Variants in TMEM131 observed in about 807,000 individuals in gnomAD.
TMEM131 encodes 2610524E03Rik.
In TMEM131, 66 loss-of-function variants were observed where a neutral mutation model predicts 211.6. The observed-to-expected ratio is 0.31, with a 90% confidence interval of 0.26 to 0.38. TMEM131 has a LOEUF of 0.38. Ranked by LOEUF, TMEM131 falls within the 10% of genes least tolerant of loss-of-function variation. TMEM131 has a pLI of 1.00. For synonymous variants in TMEM131, 844 were observed against 841.3 expected (o/e 1.00, Z -0.06); for missense variants, 2,036 against 2,299.3 (o/e 0.89, Z 2.34).
chr2:97,825,472 C>G (rs1229148598), intron 11 of TMEM131, among the ~76,000 whole-genome samples: 1 of 152,126 alleles, frequency 6.6e-6, no homozygotes, highest in African/African-American at 2.4e-5. Context: ...TTGGCATCAC[C>G]AGCTTTTGTT....
At chr2:97,890,627 G>A (rs914086167) in intron 3 of TMEM131, among the ~76,000 whole-genome samples, 2 of 152,126 alleles carry the variant, frequency 1.3e-5, no homozygotes, top group Non-Finnish European at 2.9e-5. Context: ...TAATTTTCAC[G>A]TACTGATCTT....
intron 1 of TMEM131, among the ~76,000 whole-genome samples, chr2:97,940,722 T>C (rs558357551): frequency 2.6e-5 from 4 of 151,450 alleles, no homozygotes; most frequent in South Asian, 2.1e-4. Context: ...GGCAGGAGAA[T>C]TGCGTGAACC....
intron 6 of TMEM131, among the ~76,000 whole-genome samples, chr2:97,843,475 A>G (rs969104202): frequency 5.3e-5 from 8 of 152,138 alleles, no homozygotes; most frequent in African/African-American, 1.7e-4. Context: ...AGCTGAGACT[A>G]CAAGTGCTCA....
intron 3 of TMEM131, among the ~76,000 whole-genome samples, chr2:97,904,167 T>C (rs1384172242): frequency 6.6e-6 from 1 of 152,110 alleles, no homozygotes; most frequent in African/African-American, 2.4e-5. Flanking sequence ...ATGAGGCCTC[T>C]AGATTAAACA....
At position 97,949,974 on chromosome 2, in the gene TMEM131, C is replaced by G. The variant is rs910383215; in HGVS notation, c.188-22487G>C. Among the ~76,000 whole-genome samples the G allele has an allele frequency of 4.8e-4, 73 of 152,268 alleles. 2 individuals carry two copies. The highest frequency in any genetic ancestry group is 4.1e-3 in the Admixed American group (63 of 15,300). On this transcript the variant is annotated intron_variant, in intron 1 of 40. Coordinates refer to ENST00000186436, the MANE Select transcript of TMEM131 (RefSeq NM_015348.2). ...CTTACTCCAAAATTGCAACCATTTTCCTTGCCTTATTTCTTGTACCTGCAA... is the reference window on the plus strand; with the variant it reads ...CTTACTCCAAAATTGCAACCATTTTGCTTGCCTTATTTCTTGTACCTGCAA...
chr2:97,864,125 C>A (rs1674175407), intron 4 of TMEM131, among the ~76,000 whole-genome samples: 2 of 152,118 alleles, frequency 1.3e-5, no homozygotes, highest in Non-Finnish European at 2.9e-5. Flanking sequence ...AAGCCAGACC[C>A]AGAAAGACAA....
At chr2:97,777,913 T>C (rs1168090778) in intron 31 of TMEM131, among the ~76,000 whole-genome samples, 1 of 152,142 alleles carries the variant, frequency 6.6e-6, no homozygotes, top group African/African-American at 2.4e-5. Context: ...CTTCTCCCCA[T>C]CATGGTAGAC....
At chr2:97,863,992 T>C (rs1027603391) in intron 4 of TMEM131, among the ~76,000 whole-genome samples, 2 of 152,118 alleles carry the variant, frequency 1.3e-5, no homozygotes, top group African/African-American at 2.4e-5. Flanking sequence ...TATTACCAGA[T>C]GAATGGATAA....
At chr2:97,976,960 C>CAAAAAAAAA (rs34708023) in intron 1 of TMEM131, among the ~76,000 whole-genome samples, 1 of 112,188 alleles carries the variant, frequency 8.9e-6, no homozygotes, top group African/African-American at 3.4e-5. Context: ...TATTTATATG[C>CAAAAAAAAA]AAAAAAAAAA....
intron 19 of TMEM131, among the ~76,000 whole-genome samples, chr2:97,806,318 C>T (rs1287253657): frequency 6.6e-6 from 1 of 152,180 alleles, no homozygotes; most frequent in Non-Finnish European, 1.5e-5. Flanking sequence ...GGGTGGATCA[C>T]TTGAGGCCAG....
intron 4 of TMEM131, among the ~76,000 whole-genome samples, chr2:97,865,554 T>C (rs1204281132): frequency 1.3e-5 from 2 of 152,246 alleles, no homozygotes; most frequent in Non-Finnish European, 2.9e-5. Context: ...TTTCCCTGTA[T>C]TGATTTTTTC....
At chr2:97,962,583 T>TA (rs945378152) in intron 1 of TMEM131, among the ~76,000 whole-genome samples, 21 of 152,184 alleles carry the variant, frequency 1.4e-4, no homozygotes, top group African/African-American at 4.8e-4. Flanking sequence ...AGACATACTG[T>TA]AAAATCAACT....
chr2:97,842,776 A>G (rs1683256451), intron 6 of TMEM131, among the ~76,000 whole-genome samples: 1 of 152,226 alleles, frequency 6.6e-6, no homozygotes, highest in Admixed American at 6.5e-5. Flanking sequence ...ATTGGCTGCC[A>G]TCACCTAGGT....
intron 25 of TMEM131, among the ~76,000 whole-genome samples, chr2:97,798,074 C>A (rs1372141907): frequency 2.6e-5 from 4 of 152,228 alleles, no homozygotes; most frequent in Non-Finnish European, 5.9e-5. Flanking sequence ...AAAAGATTTC[C>A]AATTCCTATA....
chr2:97,979,682 T>C (rs191334477), intron 1 of TMEM131, among the ~76,000 whole-genome samples: 38 of 152,318 alleles, frequency 2.5e-4, no homozygotes, highest in African/African-American at 5.5e-4. Flanking sequence ...TCTGACCTAA[T>C]AGAATGCTTG....
intron 3 of TMEM131, among the ~76,000 whole-genome samples, chr2:97,890,997 T>G (rs966866259): frequency 4.6e-5 from 7 of 152,184 alleles, no homozygotes; most frequent in South Asian, 2.1e-4. Context: ...AGGAACAGTT[T>G]AATATCCGAG....
intron 4 of TMEM131, among the ~76,000 whole-genome samples, chr2:97,864,697 A>C (rs911770106): frequency 6.6e-6 from 1 of 152,192 alleles, no homozygotes; most frequent in African/African-American, 2.4e-5. Flanking sequence ...AATAACCAAA[A>C]AACAGTGAGA....
chr2:97,985,126 C>A (rs1679966988), intron 1 of TMEM131, among the ~76,000 whole-genome samples: 1 of 152,126 alleles, frequency 6.6e-6, no homozygotes, highest in Non-Finnish European at 1.5e-5. Context: ...CATCTAACTT[C>A]AACCAACTAC....
chr2:97,985,905 A>C (rs1680005986), intron 1 of TMEM131, among the ~76,000 whole-genome samples: 1 of 152,098 alleles, frequency 6.6e-6, no homozygotes, highest in African/African-American at 2.4e-5. Context: ...GTGAATATAT[A>C]ATCTTTAGGG....
Sources: gnomAD v4.1 joint callset for allele counts (sites outside exome capture counted in the v4.1 genomes callset) on GRCh38, gnomAD v4.1.1 for gene constraint, MANE v1.5 for transcripts, NCBI Gene and HGNC (gene_info 2026-07-23, HGNC 2026-07-21) for gene names.